MRPL37: variants seen among roughly 807,000 people sequenced by gnomAD.
The protein encoded by MRPL37 is mitochondrial ribosomal protein L37.
A neutral mutation model predicts 44.1 loss-of-function variants in MRPL37; 34 were observed. The observed-to-expected ratio is 0.77, with a 90% CI of 0.59 to 1.03. The LOEUF is 1.03. MRPL37 is among the 50% of genes least tolerant of loss of function. MRPL37 has a pLI of 0.00. For missense variants in MRPL37, 532 were observed against 543.7 expected (o/e 0.98, Z 0.21); for synonymous variants, 212 against 219.5 (o/e 0.97, Z 0.30).
downstream of MRPL37, chr1:54,225,057 C>A: frequency 8.2e-7 from 1 of 1,224,642 alleles, no homozygotes; most frequent in Non-Finnish European, 1.0e-6. Flanking sequence ...TGGCTGTGGC[C>A]CTCCTGGCCG....
At chr1:54,222,910 GAAC>G (rs1238833638), downstream of MRPL37, among the ~76,000 whole-genome samples, 3 of 152,178 alleles carry the variant, frequency 2.0e-5, no homozygotes, top group East Asian at 1.9e-4. Context: ...CCTAGTGCCA[GAAC>G]AACCCCTGGC....
intron 3 of MRPL37, among the ~76,000 whole-genome samples, chr1:54,207,170 G>A (rs755954320): frequency 3.3e-5 from 5 of 152,100 alleles, no homozygotes; most frequent in Non-Finnish European, 5.9e-5. Context: ...TGCCCATTCT[G>A]CCATCATAGC....
intron 4 of MRPL37, 69 bp downstream of exon 4, chr1:54,210,200 G>T: frequency 6.7e-7 from 1 of 1,497,110 alleles, no homozygotes; most frequent in African/African-American, 1.4e-5. Context: ...GGAGGGAAAG[G>T]ATATACTAAG....
chr1:54,207,974 A>G (rs528560319), intron 3 of MRPL37, among the ~76,000 whole-genome samples: 2 of 152,038 alleles, frequency 1.3e-5, no homozygotes, highest in South Asian at 4.2e-4. Context: ...CTCCGTGGAT[A>G]CTCCTCAGGA....
At chr1:54,204,434 A>G (rs1400480531) in intron 1 of MRPL37, among the ~76,000 whole-genome samples, 2 of 152,186 alleles carry the variant, frequency 1.3e-5, no homozygotes, top group East Asian at 3.8e-4. Context: ...TATCCAGGAA[A>G]AGCCCAACCT....
At chr1:54,224,923 TAC>T (rs67459981), downstream of MRPL37, among the ~76,000 whole-genome samples, 73,849 of 151,158 alleles carry the variant, frequency 0.49, 18,403 homozygotes, top group East Asian at 0.6. Context: ...GGGCTCCCAG[TAC>T]ACCTTGGAGG....
At position 54,212,566 on chromosome 1, in the gene MRPL37, C is replaced by T. The variant is rs763243378; in HGVS notation, c.898C>T (p.Arg300Ter). 4.7e-5 allele frequency: 76 copies of T among 1,614,094 alleles called. No individual in the cohort carries two copies. Among genetic ancestry groups the T allele is most frequent in the Non-Finnish European group, 5.4e-5 (64 of 1,180,032 alleles). The change falls in exon 5 of 7, where the codon CGA (arginine) becomes TGA (stop). Residue 300 changes from arginine (R) to a stop codon, truncating the protein, a stop_gained. Transcript: ENST00000360840. LOFTEE classifies it high-confidence loss of function. ...GTACTTACTGGACAAAGCCAATTTA[C>T]GACCACACCGCCTTCAACCAGATCA... is the stretch of plus-strand genomic sequence containing the variant. ...TLYLLDKANL[R>*]PHRLQPDQLR...
Position 54,209,967 on chromosome 1 carries a change from G to T in MRPL37, c.668G>T (p.Arg223Leu), listed in dbSNP as rs762696753. The change falls in exon 4 of 7, where the codon CGT (arginine) becomes CTT (leucine). Residue 223 changes from arginine (R) to leucine (L), a missense_variant. Coordinates refer to ENST00000360840, the MANE Select transcript of MRPL37 (RefSeq NM_016491.4). ...TTAGAGTCTCTTCTCCTTCAAGTCC[G>T]TGGTTCTGGTGGAGCCCGACTGAGC... Reference protein sequence around the residue: ...WNRESLLLQVRGSGGARLSTK... With the variant: ...WNRESLLLQVLGSGGARLSTK... 1.2e-6 allele frequency: 2 copies of T among 1,614,066 alleles called. No individual in the cohort carries two copies. The highest frequency in any genetic ancestry group is 1.1e-5 in the South Asian group (1 of 91,054).
chr1:54,208,609 T>C (rs1281351161), intron 3 of MRPL37, among the ~76,000 whole-genome samples: 2 of 150,418 alleles, frequency 1.3e-5, no homozygotes, highest in Non-Finnish European at 3.0e-5. Flanking sequence ...CTCCTCTCTC[T>C]CTCCATCACT....
downstream of MRPL37, among the ~76,000 whole-genome samples, chr1:54,219,426 T>C (rs1282305010): frequency 6.6e-6 from 1 of 152,108 alleles, no homozygotes; most frequent in East Asian, 1.9e-4. Context: ...CTTGAGGGAT[T>C]AGCAGGAAAA....
Position 54,200,580 on chromosome 1 carries a change from C to G in MRPL37, c.337C>G (p.Leu113Val). 6.3e-7 allele frequency: 1 copy of G among 1,594,830 alleles called. No homozygotes were observed. ...CTATATCTTTCACCACCGTTGCCGC[C>G]TTCTCGAGGGTGAGGCCCCAGGACG... ...ACYIFHHRCR[L>V]LEGVKQALWL... Residue 113 changes from leucine to valine, a missense_variant, in exon 1 of 7, where the codon CTT becomes GTT. Physicochemically the swap from Leu to Val is conservative, Grantham distance 32. Coordinates refer to ENST00000360840, the MANE Select transcript of MRPL37 (RefSeq NM_016491.4).
chr1:54,214,041 G>C (rs111330154), intron 5 of MRPL37, among the ~76,000 whole-genome samples: 2,734 of 152,320 alleles, frequency 0.018, 81 homozygotes, highest in African/African-American at 0.062. Flanking sequence ...AGATTAGCTG[G>C]GTGTGGTGGC....
Position 54,216,226 on chromosome 1 carries a change from T to G in MRPL37, c.1076T>G (p.Leu359Arg). The G allele has an allele frequency of 6.2e-7, 1 of 1,614,224 alleles. No individual in the cohort carries two copies. The highest frequency in any genetic ancestry group is 8.5e-7 in the Non-Finnish European group (1 of 1,180,042). ...GTCTTCCATTTCCTAGTGTTTCAAC[T>G]GAATACCACAGACCTGGACTGTAAC... ...GRVFHFLVFQ[L>R]NTTDLDCNEG... is the part of the protein sequence containing the mutation. Residue 359 changes from leucine to arginine, a missense_variant, in exon 6 of 7, where the codon CTG (leucine) becomes CGG (arginine). Coordinates refer to ENST00000360840, the MANE Select transcript of MRPL37 (RefSeq NM_016491.4).
chr1:54,216,228 A>G lies in MRPL37; in HGVS notation c.1078A>G (p.Asn360Asp). The G allele has an allele frequency of 6.2e-7, 1 of 1,614,210 alleles. No homozygotes were observed. Among genetic ancestry groups the G allele is most frequent in the South Asian group, 1.1e-5 (1 of 91,086 alleles). ...CTTCCATTTCCTAGTGTTTCAACTG[A>G]ATACCACAGACCTGGACTGTAACGA... ...RVFHFLVFQLNTTDLDCNEGV... is the reference protein window; with the variant it reads ...RVFHFLVFQLDTTDLDCNEGV... The change falls in exon 6 of 7, where the codon AAT (asparagine) becomes GAT (aspartate). Residue 360 changes from asparagine (N) to aspartate (D), a missense_variant. Transcript: ENST00000360840.
intron 1 of MRPL37, among the ~76,000 whole-genome samples, chr1:54,202,511 CTT>C (rs934489736): frequency 6.6e-6 from 1 of 151,112 alleles, no homozygotes; most frequent in African/African-American, 2.4e-5. Context: ...CTCTCTCTCT[CTT>C]TTTTTTTCTT....
Position 54,212,576 on chromosome 1 carries a change from G to T in MRPL37, c.908G>T (p.Arg303Leu). ...LLDKANLRPH[R>L]LQPDQLRAKM... is the part of the protein sequence containing the mutation. ...GACAAAGCCAATTTACGACCACACC[G>T]CCTTCAACCAGATCAGCTGCGGGCC... The change falls in exon 5 of 7, where the codon CGC becomes CTC. Residue 303 changes from arginine (R) to leucine (L), a missense_variant. Transcript: ENST00000360840. 1 of 1,614,138 alleles carries T rather than the reference G, an allele frequency of 6.2e-7. No homozygotes were observed. The highest frequency in any genetic ancestry group is 8.5e-7 in the Non-Finnish European group (1 of 1,180,024).
intron 5 of MRPL37, among the ~76,000 whole-genome samples, chr1:54,215,488 G>A (rs888893613): frequency 2.6e-5 from 4 of 152,144 alleles, no homozygotes; most frequent in Non-Finnish European, 5.9e-5. Flanking sequence ...TCCTGGCGCT[G>A]GCATGGCTGG....
intron 4 of MRPL37, 106 bp from the exon 5 acceptor site, chr1:54,212,393 GTC>G (rs1644171077): frequency 4.5e-6 from 6 of 1,345,576 alleles, no homozygotes; most frequent in African/African-American, 1.5e-5. Flanking sequence ...CCTTTGTTGA[GTC>G]TCTCTGTAGC....
intron 1 of MRPL37, 29 bp from the exon 2 acceptor site, chr1:54,204,989 C>CT (rs1553178906): frequency 6.6e-7 from 1 of 1,514,464 alleles, no homozygotes; most frequent in African/African-American, 1.4e-5. Flanking sequence ...TTCTTTCCTT[C>CT]TTTATTTTTG....
Sources: allele counts gnomAD v4.1 joint callset (sites outside exome capture counted in the v4.1 genomes callset), GRCh38; gene constraint gnomAD v4.1.1; transcripts MANE v1.5; gene names NCBI Gene and HGNC (gene_info 2026-07-23, HGNC 2026-07-21).